The following HADHA variants were observed in gnomAD, a reference collection of about 807,000 sequenced individuals.
HADHA encodes hydroxyacyl-CoA dehydrogenase trifunctional multienzyme complex subunit alpha, also known as trifunctional enzyme subunit alpha, mitochondrial.
HADHA carries 59 observed loss-of-function variants against 91.3 expected under a neutral mutation model. That is an observed-to-expected ratio of 0.65 (90% CI 0.52 to 0.80). The LOEUF (loss-of-function observed/expected upper bound fraction) is 0.80. Ranked by LOEUF, HADHA falls within the 30% of genes least tolerant of loss-of-function variation. The pLI is 0.00. For synonymous variants in HADHA, 320 were observed against 338.9 expected (o/e 0.94, Z 0.61); for missense variants, 800 against 927.6 (o/e 0.86, Z 1.79).
chr2:26,203,701 T>A (rs1264829669), intron 12 of HADHA, among the ~76,000 whole-genome samples: 1 of 152,124 alleles, frequency 6.6e-6, no homozygotes, highest in East Asian at 1.9e-4. Context: ...TCCTTAACAA[T>A]AGAGCAATTA....
At chr2:26,191,692 G>C (rs1669510330) in intron 18 of HADHA, 64 bp from the exon 19 acceptor site, 1 of 1,548,238 alleles carries the variant, frequency 6.5e-7, no homozygotes, top group Non-Finnish European at 8.9e-7. Flanking sequence ...CAGAGCCGCA[G>C]ATGCAGAATG....
At chr2:26,238,475 G>A (rs919247768) in intron 3 of HADHA, among the ~76,000 whole-genome samples, 8 of 152,196 alleles carry the variant, frequency 5.3e-5, no homozygotes. Context: ...TCCAATATGT[G>A]AATTGCATTG....
chr2:26,194,888 C>T (rs1669619853), intron 15 of HADHA, among the ~76,000 whole-genome samples: 1 of 151,850 alleles, frequency 6.6e-6, no homozygotes, highest in South Asian at 2.1e-4. Context: ...GCTGGGAGAA[C>T]CCTGCCACAT....
At chr2:26,200,007 A>G (rs1669788493) in intron 13 of HADHA, among the ~76,000 whole-genome samples, 1 of 152,250 alleles carries the variant, frequency 6.6e-6, no homozygotes, top group Non-Finnish European at 1.5e-5. Flanking sequence ...TAAACACAGC[A>G]GTAGAACACG....
intron 11 of HADHA, 66 bp downstream of exon 11, chr2:26,209,714 C>T: frequency 1.2e-6 from 1 of 836,770 alleles, no homozygotes; most frequent in South Asian, 1.3e-5. Context: ...TGTAGATCTT[C>T]AAAGCCTCTG....
Position 26,191,646 on chromosome 2 carries a change from T to C in HADHA, c.2001-18A>G, listed in dbSNP as rs1413071913. The C allele has an allele frequency of 1.7e-5, 28 of 1,613,268 alleles. No homozygotes were observed. Among genetic ancestry groups the C allele is most frequent in the South Asian group, 3.3e-5 (3 of 91,078 alleles). On this transcript the variant is annotated intron_variant, in intron 18 of 19. Coordinates refer to ENST00000380649, the MANE Select transcript of HADHA (RefSeq NM_000182.5). ...CTGATGAGCTGCCAACAGAAAGAGATGTTTAGGTAGAAGAAGAGGAAAAGG... is the reference window on the plus strand; with the variant it reads ...CTGATGAGCTGCCAACAGAAAGAGACGTTTAGGTAGAAGAAGAGGAAAAGG...
intron 16 of HADHA, 53 bp from the exon 17 acceptor site, chr2:26,193,825 C>A: frequency 7.1e-7 from 1 of 1,410,158 alleles, no homozygotes; most frequent in South Asian, 1.2e-5. Flanking sequence ...CAAATCCCCC[C>A]AAAGGGCTCC....
chr2:26,196,434 G>A (rs1669674789), intron 14 of HADHA, among the ~76,000 whole-genome samples: 1 of 152,164 alleles, frequency 6.6e-6, no homozygotes, highest in Non-Finnish European at 1.5e-5. Context: ...CACAGATCTT[G>A]AAGTGTTCAC....
intron 14 of HADHA, among the ~76,000 whole-genome samples, chr2:26,197,264 G>A (rs924647940): frequency 6.6e-6 from 1 of 152,148 alleles, no homozygotes; most frequent in Non-Finnish European, 1.5e-5. Context: ...ATGTCCCGGG[G>A]TAGAAGGTGT....
At chr2:26,211,487 TGA>T (rs1670099816) in intron 10 of HADHA, among the ~76,000 whole-genome samples, 1 of 152,152 alleles carries the variant, frequency 6.6e-6, no homozygotes, top group South Asian at 2.1e-4. Flanking sequence ...CTGTTTTATG[TGA>T]AAAATTATTA....
intron 13 of HADHA, among the ~76,000 whole-genome samples, chr2:26,198,245 C>T (rs1024420879): frequency 7.2e-5 from 11 of 152,116 alleles, no homozygotes; most frequent in African/African-American, 2.4e-4. Flanking sequence ...TACTAAAAAA[C>T]GGCATACCAC....
chr2:26,191,655 A>G (rs1558313608), intron 18 of HADHA, 27 bp from the exon 19 acceptor site: 2 of 1,592,888 alleles, frequency 1.3e-6, no homozygotes, highest in Non-Finnish European at 1.7e-6. Context: ...ATGTTTAGGT[A>G]GAAGAAGAGG....
intron 1 of HADHA, among the ~76,000 whole-genome samples, chr2:26,241,492 A>C (rs1670888299): frequency 1.3e-5 from 2 of 149,764 alleles, no homozygotes; most frequent in South Asian, 2.1e-4. Flanking sequence ...AAAAAAAAAC[A>C]AAAAAAAAGT....
chr2:26,197,712 A>T lies in HADHA; in HGVS notation c.1458T>A (p.Ala486=). The T allele has an allele frequency of 6.6e-7, 1 of 1,514,256 alleles. No individual in the cohort carries two copies. The highest frequency in any genetic ancestry group is 9.2e-7 in the Non-Finnish European group (1 of 1,088,532). The allele number at this position is 1,514,256 out of a possible 1,614,324, so 93.8% of individuals were successfully genotyped here. Residue 486 remains alanine (A), a synonymous_variant, in exon 14 of 20, where the codon GCT becomes GCA. Coordinates refer to ENST00000380649, the MANE Select transcript of HADHA (RefSeq NM_000182.5). ...TTACCTTCTCAGGTCTTTTGCTGAC[A>T]GCAGCGATTTCACTGATTGGGAGAG... ...TSALPISEIA[A]VSKRPEKVIG...
chr2:26,234,487 A>C, intron 4 of HADHA, 132 bp from the exon 5 acceptor site: 1 of 830,138 alleles, frequency 1.2e-6, no homozygotes, highest in Non-Finnish European at 2.0e-6. Context: ...TAGAAGGTTA[A>C]GAATGATTTT....
chr2:26,209,541 A>G (rs1249822593), intron 11 of HADHA, among the ~76,000 whole-genome samples: 2 of 152,196 alleles, frequency 1.3e-5, no homozygotes, highest in African/African-American at 4.8e-5. Flanking sequence ...GGCAACATCA[A>G]TATGTGACAA....
At chr2:26,216,778 G>A (rs1670234434) in intron 7 of HADHA, among the ~76,000 whole-genome samples, 1 of 152,198 alleles carries the variant, frequency 6.6e-6, no homozygotes, top group Admixed American at 6.5e-5. Context: ...ATGCTGGAGA[G>A]CAGCTGCTGC....
intron 7 of HADHA, among the ~76,000 whole-genome samples, chr2:26,226,809 C>T (rs1296209032): frequency 6.6e-6 from 1 of 150,592 alleles, no homozygotes; most frequent in East Asian, 2.0e-4. Flanking sequence ...ATAAATACTC[C>T]AAATGGATCA....
chr2:26,205,109 A>C (rs1558319964), intron 11 of HADHA, among the ~76,000 whole-genome samples: 1 of 152,154 alleles, frequency 6.6e-6, no homozygotes, highest in African/African-American at 2.4e-5. Context: ...TTGTCTCCTC[A>C]ATTAAATTCT....
Sources: allele counts gnomAD v4.1 joint callset (sites outside exome capture counted in the v4.1 genomes callset), GRCh38; gene constraint gnomAD v4.1.1; transcripts MANE v1.5; gene names NCBI Gene and HGNC (gene_info 2026-07-23, HGNC 2026-07-21).